TMEM143: variants seen among roughly 807,000 people sequenced by gnomAD.
The protein encoded by TMEM143 is transmembrane protein 143.
A neutral mutation model predicts 40.3 loss-of-function variants in TMEM143; 45 were observed. The observed-to-expected ratio is 1.12, with a 90% confidence interval of 0.88 to 1.43. TMEM143 has a LOEUF of 1.43. Among genes scored for constraint, TMEM143 ranks in the 40% most tolerant of loss-of-function variants. The pLI is 0.00. For synonymous variants in TMEM143, 299 were observed against 282.7 expected (o/e 1.06, Z -0.58); for missense variants, 620 against 613.4 (o/e 1.01, Z -0.11).
intron 2 of TMEM143, among the ~76,000 whole-genome samples, chr19:48,361,375 G>A (rs1002372977): frequency 2.0e-5 from 3 of 151,936 alleles, no homozygotes; most frequent in African/African-American, 2.4e-5. Context: ...CTGCCACCAC[G>A]CCTAGCTAAT....
At chr19:48,340,979 TC>T (rs1436198352) in intron 6 of TMEM143, among the ~76,000 whole-genome samples, 4 of 152,088 alleles carry the variant, frequency 2.6e-5, no homozygotes, top group Non-Finnish European at 5.9e-5. Context: ...AATTGCTCCC[TC>T]CCCAGCCCCT....
intron 3 of TMEM143, among the ~76,000 whole-genome samples, chr19:48,357,917 T>C (rs1021677288): frequency 1.4e-5 from 2 of 146,640 alleles, no homozygotes; most frequent in Admixed American, 6.9e-5. Context: ...ATAATGGAAT[T>C]TGGGGACTCA....
intron 6 of TMEM143, among the ~76,000 whole-genome samples, chr19:48,341,269 TG>T (rs1156920316): frequency 5.3e-5 from 8 of 152,204 alleles, no homozygotes; most frequent in African/African-American, 1.9e-4. Flanking sequence ...GAGCACAAGT[TG>T]GGTGTCAGCC....
chr19:48,348,503 C>T (rs1569031526), intron 3 of TMEM143, among the ~76,000 whole-genome samples: 1 of 152,172 alleles, frequency 6.6e-6, no homozygotes, highest in Non-Finnish European at 1.5e-5. Flanking sequence ...CCCTGCCAAT[C>T]GGTTCTTTAC....
intron 3 of TMEM143, among the ~76,000 whole-genome samples, chr19:48,346,463 C>T (rs1293039988): frequency 6.6e-6 from 1 of 152,034 alleles, no homozygotes; most frequent in Non-Finnish European, 1.5e-5. Context: ...TTCTTGAATC[C>T]ACCCTCCTCT....
chr19:48,344,032 A>G (rs1290463881), intron 4 of TMEM143, among the ~76,000 whole-genome samples: 3 of 149,420 alleles, frequency 2.0e-5, no homozygotes, highest in African/African-American at 7.4e-5. Flanking sequence ...GACTACAGGC[A>G]CCCGCCACCA....
chr19:48,341,204 C>A (rs532745305), intron 6 of TMEM143, among the ~76,000 whole-genome samples: 1 of 152,322 alleles, frequency 6.6e-6, no homozygotes, highest in East Asian at 1.9e-4. Flanking sequence ...CAGTAAAAGG[C>A]AGCTCCCCTC....
In TMEM143 at chr19:48,333,072, G is replaced by T. The variant is rs202131723; in HGVS notation, c.*147C>A. The T allele has an allele frequency of 3.5e-6, 2 of 578,338 alleles. No individual in the cohort carries two copies. The highest frequency in any genetic ancestry group is 5.4e-6 in the Non-Finnish European group (2 of 371,194). 35.8% of individuals were successfully genotyped at this position (578,338 alleles called of 1,614,324 possible). Reference sequence around the variant, plus strand: ...GCTAGCTGCTTTGATTGGCTGCTTTGCTTAAGCACACAGTGCAGCAAAAAT... The same window carrying T: ...GCTAGCTGCTTTGATTGGCTGCTTTTCTTAAGCACACAGTGCAGCAAAAAT... On this transcript the variant is annotated 3_prime_UTR_variant, in exon 8 of 8. Transcript: ENST00000293261. The surrounding 1 kb of genome is among the most constrained non-coding windows in gnomAD (Gnocchi z 4.1).
At chr19:48,346,109 T>C (rs140802183) in intron 3 of TMEM143, among the ~76,000 whole-genome samples, 76 of 149,074 alleles carry the variant, frequency 5.1e-4, no homozygotes, top group Non-Finnish European at 8.2e-4. Flanking sequence ...CTCTTTTTTT[T>C]GAGATGGAGT....
chr19:48,360,359 C>G (rs769638610), intron 2 of TMEM143, 183 bp from the exon 3 acceptor site: 2 of 571,318 alleles, frequency 3.5e-6, no homozygotes, highest in Non-Finnish European at 3.1e-6. Context: ...CAGTGGATCA[C>G]TTGAAGTCAG....
intron 1 of TMEM143, 150 bp downstream of exon 1, chr19:48,363,748 T>A: frequency 6.9e-7 from 1 of 1,440,346 alleles, no homozygotes; most frequent in Non-Finnish European, 9.6e-7. Flanking sequence ...GGGGCGTTTT[T>A]CAGGCCCAGA....
At chr19:48,354,762 A>G (rs1230550149) in intron 3 of TMEM143, among the ~76,000 whole-genome samples, 1 of 152,138 alleles carries the variant, frequency 6.6e-6, no homozygotes, top group Non-Finnish European at 1.5e-5. Context: ...GTCACCCGCC[A>G]AGGTCACCCG....
chr19:48,360,059 GC>G lies in TMEM143; in HGVS notation c.369+12del, dbSNP rs775655825. On this transcript the variant is annotated intron_variant, in intron 3 of 7. Coordinates refer to ENST00000293261, the MANE Select transcript of TMEM143 (RefSeq NM_018273.4). Reference sequence around the variant, plus strand: ...GAACAAGCACCACAGGGCTGGAAGGGCCCCGTCCTCACCTGCAGCCGGGCCA... The same window carrying G: ...GAACAAGCACCACAGGGCTGGAAGGGCCCGTCCTCACCTGCAGCCGGGCCA... 1.9e-6 allele frequency: 3 copies of G among 1,612,572 alleles called. No individual in the cohort carries two copies. Among genetic ancestry groups the G allele is most frequent in the Admixed American group, 1.7e-5 (1 of 59,950 alleles).
At chr19:48,345,866 C>T (rs1969616819) in intron 3 of TMEM143, among the ~76,000 whole-genome samples, 1 of 151,580 alleles carries the variant, frequency 6.6e-6, no homozygotes, top group Admixed American at 6.6e-5. Context: ...CTCACTGCAA[C>T]CTCCACCTCC....
chr19:48,362,016 T>A (rs1325958047), intron 2 of TMEM143, among the ~76,000 whole-genome samples: 1 of 151,996 alleles, frequency 6.6e-6, no homozygotes, highest in Non-Finnish European at 1.5e-5. Flanking sequence ...ATTTGTATAT[T>A]TATGTGTGTA....
At chr19:48,362,486 T>C (rs1217934536) in intron 2 of TMEM143, among the ~76,000 whole-genome samples, 1 of 151,982 alleles carries the variant, frequency 6.6e-6, no homozygotes, top group Non-Finnish European at 1.5e-5. Flanking sequence ...ATTGTGCCAC[T>C]GCACTCCAGT....
At chr19:48,338,178 C>T (rs1280869344) in intron 6 of TMEM143, among the ~76,000 whole-genome samples, 1 of 152,156 alleles carries the variant, frequency 6.6e-6, no homozygotes, top group Non-Finnish European at 1.5e-5. Flanking sequence ...AGTCCCAACC[C>T]CATTCTGCAG....
Position 48,335,642 on chromosome 19 carries a change from G to A in TMEM143, c.976-1445C>T, listed in dbSNP as rs181261952. Among the ~76,000 whole-genome samples, 272 of 152,276 alleles carry A rather than the reference G, an allele frequency of 1.8e-3. 2 individuals carry two copies. The highest frequency in any genetic ancestry group is 6.0e-3 in the African/African-American group (250 of 41,546). On this transcript the variant is annotated intron_variant, in intron 6 of 7. Transcript: ENST00000293261. ...GGAGGCTGAGGCAGGAGAATCGCTT[G>A]AACCTGGGAAGCAGAGGTTGCAGTG...
intron 6 of TMEM143, among the ~76,000 whole-genome samples, chr19:48,339,084 CT>C (rs200942389): frequency 0.054 from 8,144 of 152,150 alleles, 307 homozygotes; most frequent in African/African-American, 0.1. Context: ...TGGTGCCAGG[CT>C]GTGCCCAGAG....
Sources: allele counts gnomAD v4.1 joint callset (sites outside exome capture counted in the v4.1 genomes callset), GRCh38; gene constraint gnomAD v4.1.1; non-coding constraint Gnocchi (gnomAD v3.1); transcripts MANE v1.5; gene names NCBI Gene and HGNC (gene_info 2026-07-23, HGNC 2026-07-21).